ITPR1: variants seen among roughly 807,000 people sequenced by gnomAD.
The protein encoded by ITPR1 is inositol 1,4,5-trisphosphate-gated calcium channel ITPR1.
A neutral mutation model predicts 318.4 loss-of-function variants in ITPR1; 96 were observed. The ratio of observed to expected loss-of-function variants is 0.30; its 90% CI spans 0.26 to 0.36. ITPR1 has a LOEUF of 0.36. Among genes scored for constraint, ITPR1 ranks in the 10% least tolerant of loss-of-function variants. The probability of loss-of-function intolerance (pLI) is 1.00; values close to 1 mark genes in which losing one functional copy is unlikely to be tolerated. For missense variants in ITPR1, 2,440 were observed against 3,460.2 expected, an observed-to-expected ratio of 0.71 and a Z score of 7.40; for synonymous variants, 1,312 against 1,289.9, an observed-to-expected ratio of 1.02 and a Z score of -0.37.
chr3:4,599,361 G>A (rs1199672294), intron 4 of ITPR1, among the ~76,000 whole-genome samples: 1 of 152,166 alleles, frequency 6.6e-6, no homozygotes, highest in Non-Finnish European at 1.5e-5. Flanking sequence ...TAAAATCTGA[G>A]TTAATTGGTT....
intron 16 of ITPR1, among the ~76,000 whole-genome samples, chr3:4,664,262 T>C (rs1160369961): frequency 1.3e-5 from 2 of 152,202 alleles, no homozygotes; most frequent in Non-Finnish European, 2.9e-5. Flanking sequence ...GATGATATTG[T>C]TGGATGTAAA....
intron 51 of ITPR1, among the ~76,000 whole-genome samples, chr3:4,787,631 G>A (rs1164447068): frequency 6.6e-6 from 1 of 151,950 alleles, no homozygotes; most frequent in East Asian, 1.9e-4. Flanking sequence ...CCAGGAGGCA[G>A]AGGTTGCAGT....
At chr3:4,763,421 G>A (rs916157295) in intron 44 of ITPR1, among the ~76,000 whole-genome samples, 8 of 152,072 alleles carry the variant, frequency 5.3e-5, no homozygotes, top group East Asian at 3.9e-4. Flanking sequence ...TCTTCCTTCC[G>A]TTGAGGCACT....
At chr3:4,667,945 A>G (rs767752778) in intron 18 of ITPR1, among the ~76,000 whole-genome samples, 3 of 152,168 alleles carry the variant, frequency 2.0e-5, no homozygotes, top group Non-Finnish European at 4.4e-5. Context: ...TTTTGTGGGT[A>G]CGTAGTAGGT....
At chr3:4,840,238 TA>T in intron 61 of ITPR1, among the ~76,000 whole-genome samples, 1 of 152,224 alleles carries the variant, frequency 6.6e-6, no homozygotes, top group South Asian at 2.1e-4. Flanking sequence ...CAAAAGATAT[TA>T]AAAAATGCAG....
intron 44 of ITPR1, among the ~76,000 whole-genome samples, chr3:4,753,284 C>A (rs1024459335): frequency 1.3e-5 from 2 of 152,088 alleles, no homozygotes; most frequent in Admixed American, 6.6e-5. Flanking sequence ...TGGTTCCCGC[C>A]GATCCCTAGT....
Position 4,795,100 on chromosome 3 carries a change from T to A in ITPR1, c.6844T>A (p.Ser2282Thr). 1.2e-6 allele frequency: 2 copies of A among 1,613,842 alleles called. No homozygotes were observed. Among genetic ancestry groups the A allele is most frequent in the Non-Finnish European group, 1.7e-6 (2 of 1,179,800 alleles). Residue 2282 changes from serine (S) to threonine (T), a missense_variant, in exon 53 of 62, where the codon TCT becomes ACT. Ser to Thr is a moderately conservative substitution (Grantham distance 58). Coordinates refer to ENST00000649015, the MANE Select transcript of ITPR1 (RefSeq NM_001378452.1). The part of the protein sequence containing the change: ...PVLYWCARNM[S>T]FWSSISFNLA... ...GTTGTACTGGTGTGCCCGCAACATG[T>A]CTTTCTGGAGCAGCATTTCGTTTAA...
chr3:4,832,275 T>G (rs56244927), intron 60 of ITPR1, among the ~76,000 whole-genome samples: 12,279 of 152,286 alleles, frequency 0.081, 561 homozygotes, highest in Admixed American at 0.1. Flanking sequence ...AGAAAATCCT[T>G]TTGCTATCTT....
intron 4 of ITPR1, among the ~76,000 whole-genome samples, chr3:4,599,096 A>G (rs1156458124): frequency 1.3e-5 from 2 of 151,884 alleles, no homozygotes; most frequent in African/African-American, 4.8e-5. Context: ...TAATATTGAG[A>G]ATACTTACTG....
chr3:4,820,610 A>G (rs544232608), intron 60 of ITPR1, among the ~76,000 whole-genome samples: 2 of 152,342 alleles, frequency 1.3e-5, no homozygotes, highest in South Asian at 4.1e-4. Flanking sequence ...CTCCATCCAC[A>G]TCATTCTTTG....
chr3:4,683,255 G>A, intron 26 of ITPR1, 131 bp from the exon 27 acceptor site: 1 of 848,064 alleles, frequency 1.2e-6, no homozygotes, highest in Non-Finnish European at 2.0e-6. Context: ...AGGAGCTAAT[G>A]AAAAGTGAAA....
chr3:4,653,677 G>C (rs539511665), intron 11 of ITPR1, among the ~76,000 whole-genome samples, 165 bp from the exon 12 acceptor site: 1 of 152,184 alleles, frequency 6.6e-6, no homozygotes, highest in East Asian at 1.9e-4. Flanking sequence ...CTGTACCCAT[G>C]TGACCTGTAT....
At chr3:4,753,284 C>T (rs1024459335) in intron 44 of ITPR1, among the ~76,000 whole-genome samples, 6 of 152,204 alleles carry the variant, frequency 3.9e-5, no homozygotes, top group South Asian at 4.2e-4. Flanking sequence ...TGGTTCCCGC[C>T]GATCCCTAGT....
At chr3:4,770,867 T>G (rs1207792415) in intron 46 of ITPR1, among the ~76,000 whole-genome samples, 1 of 152,142 alleles carries the variant, frequency 6.6e-6, no homozygotes, top group East Asian at 1.9e-4. Flanking sequence ...TCCCTGACAT[T>G]GTCCACCCTC....
At chr3:4,696,377 A>G (rs745493845) in intron 33 of ITPR1, among the ~76,000 whole-genome samples, 1 of 152,154 alleles carries the variant, frequency 6.6e-6, no homozygotes, top group Non-Finnish European at 1.5e-5. Flanking sequence ...GTCTTTTATG[A>G]CTGGATTTTG....
At chr3:4,766,474 G>C in intron 44 of ITPR1, 56 bp from the exon 45 acceptor site, 1 of 1,463,554 alleles carries the variant, frequency 6.8e-7, no homozygotes, top group Non-Finnish European at 9.5e-7. Flanking sequence ...TGTCATGAGT[G>C]GGGTGCAGTT....
At chr3:4,671,925 A>G (rs1359877618) in intron 20 of ITPR1, 1 of 152,170 alleles carries the variant, frequency 6.6e-6, no homozygotes, top group African/African-American at 2.4e-5. Flanking sequence ...TATAAATGGG[A>G]CTGTACTCCA....
Position 4,683,819 on chromosome 3 carries a change from G to A in ITPR1, c.3498+21G>A, listed in dbSNP as rs771912515. ...CGGAGGTGAGTGAAACACAAGTTAT[G>A]CTGCCAAAGTGGATGGATGGGCTTC... On this transcript the variant is annotated intron_variant, in intron 28 of 61. Transcript: ENST00000649015. 3.7e-6 allele frequency: 6 copies of A among 1,607,656 alleles called. No individual in the cohort carries two copies. In the Admixed American group the frequency reaches 6.8e-5, roughly 18 times the overall value.
chr3:4,833,377 G>T (rs536089344), intron 60 of ITPR1, among the ~76,000 whole-genome samples: 1 of 152,202 alleles, frequency 6.6e-6, no homozygotes, highest in African/African-American at 2.4e-5. Flanking sequence ...CCTCATTAAT[G>T]TGGACTCTGT....
Sources: gnomAD v4.1 joint callset for allele counts (sites outside exome capture counted in the v4.1 genomes callset) on GRCh38, gnomAD v4.1.1 for gene constraint, MANE v1.5 for transcripts, NCBI Gene and HGNC (gene_info 2026-07-23, HGNC 2026-07-21) for gene names.